Variants in FAM111A observed in about 807,000 individuals in gnomAD.
FAM111A encodes FAM111 trypsin like peptidase A, also known as serine protease FAM111A.
In FAM111A, 8 loss-of-function variants were observed where a neutral mutation model predicts 3.3. The observed-to-expected ratio is 2.39, with a 90% CI of 1.40 to 4.32. The LOEUF is 4.32. Among genes scored for constraint, FAM111A ranks in the 30% most tolerant of loss-of-function variants. FAM111A has a pLI of 0.00. For synonymous variants in FAM111A, 227 were observed against 243.1 expected, an observed-to-expected ratio of 0.93 and a Z score of 0.62; for missense variants, 683 against 727.6, an observed-to-expected ratio of 0.94 and a Z score of 0.71.
intron 5 of FAM111A, among the ~76,000 whole-genome samples, chr11:59,149,989 T>A (rs1861448472): frequency 6.6e-6 from 1 of 152,234 alleles, no homozygotes; most frequent in Non-Finnish European, 1.5e-5. Context: ...TTACAATTTC[T>A]CAACTTGTTT....
Position 59,153,278 on chromosome 11 carries a change from TC to T in FAM111A, c.1611del (p.Phe538LeufsTer61). The T allele has an allele frequency of 3.1e-6, 5 of 1,614,144 alleles. No homozygotes were observed. The highest frequency in any genetic ancestry group is 4.2e-6 in the Non-Finnish European group (5 of 1,180,012). ...GTGATTACCTATGACACTGAATTTT[TC>T]TTTGGGGCTTCCGGCTCCCCTGTGT... ...PDVITYDTEFFFGASGSPVFD... is the reference protein window; with the variant it reads ...PDVITYDTEFXFGASGSPVFD... On this transcript the variant is annotated frameshift_variant, in exon 6 of 6. Coordinates refer to ENST00000675163, the MANE Select transcript of FAM111A (RefSeq NM_001312909.2). LOFTEE classifies it low-confidence loss of function (END_TRUNC).
In FAM111A at chr11:59,151,822, A is replaced by T. The variant is rs1861696942; in HGVS notation, c.154A>T (p.Thr52Ser). The T allele has an allele frequency of 6.2e-7, 1 of 1,614,118 alleles. No individual in the cohort carries two copies. The highest frequency in any genetic ancestry group is 2.2e-5 in the East Asian group (1 of 44,888). The change falls in exon 6 of 6, where the codon ACA becomes TCA. Residue 52 changes from threonine (T) to serine (S), a missense_variant. This residue lies in a region of FAM111A where 557 missense variants were observed against 600.2 expected (regional missense o/e 0.93). Transcript: ENST00000675163. ...RMESRGDPRA[T>S]TNTQAQRFHS... ...GGAGTCTAGAGGAGACCCAAGAGCC[A>T]CAACTAATACCCAGGCTCAAAGATT...
chr11:59,153,442 T>C lies in FAM111A; in HGVS notation c.1774T>C (p.Trp592Arg), dbSNP rs146642664. ...LLDIKQRHKP[W>R]YEEVFVNQQD... is the part of the protein sequence containing the mutation. ...TGATATTAAGCAAAGACATAAACCA[T>C]GGTATGAAGAAGTATTTGTAAATCA... Residue 592 changes from tryptophan to arginine, a missense_variant, in exon 6 of 6, where the codon TGG becomes CGG. Physicochemically the swap from Trp to Arg is moderately radical, Grantham distance 101. This residue lies in a region of FAM111A where 122 missense variants were observed against 110.9 expected (regional missense o/e 1.10). Coordinates refer to ENST00000675163, the MANE Select transcript of FAM111A (RefSeq NM_001312909.2). 9 of 1,613,454 alleles carry C rather than the reference T, an allele frequency of 5.6e-6. No individual in the cohort carries two copies. In the Admixed American group the frequency reaches 6.7e-5, roughly 12 times the overall value.
intron 5 of FAM111A, among the ~76,000 whole-genome samples, chr11:59,150,919 CA>C (rs1347972838): frequency 6.6e-6 from 1 of 152,052 alleles, no homozygotes; most frequent in Non-Finnish European, 1.5e-5. Context: ...ATATGCTGGG[CA>C]AATCAAAGTA....
rs574586920 is a variant in FAM111A at position 59,154,246 on chromosome 11, G to A, written c.*742G>A. 2.6e-5 allele frequency: 4 copies of A among 152,254 alleles called. No homozygotes were observed. Among genetic ancestry groups the A allele is most frequent in the African/African-American group, 9.6e-5 (4 of 41,554 alleles). 9.4% of individuals were successfully genotyped at this position (152,254 alleles called of 1,614,324 possible). ...TGCAGGTCAATAAGTTGCAAAAGTT[G>A]GGGCTGCAATTAATGCTAACATAAG... is the stretch of plus-strand genomic sequence containing the variant. On this transcript the variant is annotated 3_prime_UTR_variant, in exon 6 of 6. Coordinates refer to ENST00000675163, the MANE Select transcript of FAM111A (RefSeq NM_001312909.2).
chr11:59,151,795 A>T lies in FAM111A; in HGVS notation c.127A>T (p.Met43Leu). Residue 43 changes from methionine to leucine, a missense_variant, in exon 6 of 6, where the codon ATG (methionine) becomes TTG (leucine). Around this residue, in one of 3 missense-constraint regions of FAM111A, gnomAD observed 557 missense variants for 600.2 expected, o/e 0.93. Transcript: ENST00000675163. ...TAATTGCAGTACTTCTCTAATGAGG[A>T]TGGAGTCTAGAGGAGACCCAAGAGC... ...QNNCSTSLMR[M>L]ESRGDPRATT... is the part of the protein sequence containing the mutation. 6.2e-7 allele frequency: 1 copy of T among 1,608,722 alleles called. No individual in the cohort carries two copies. The highest frequency in any genetic ancestry group is 8.5e-7 in the Non-Finnish European group (1 of 1,178,630).
rs202134817 is a variant in FAM111A at position 59,152,053 on chromosome 11, C to T, written c.385C>T (p.Arg129Cys). ...TCACCAAGGCCAAGAAATGCTTGTG[C>T]GTGGCACAGAAGGAATCAAAGAGTA... ...ETHQGQEMLV[R>C]GTEGIKEYIN... is the part of the protein sequence containing the mutation. Residue 129 changes from arginine (R) to cysteine (C), a missense_variant, in exon 6 of 6, where the codon CGT becomes TGT. Transcript: ENST00000675163. 8.1e-5 allele frequency: 130 copies of T among 1,614,170 alleles called. No individual in the cohort carries two copies. The highest frequency in any genetic ancestry group is 1.5e-4 in the Admixed American group (9 of 60,008).
rs1394499422 is a variant in FAM111A, at chr11:59,152,860, A to G, written c.1192A>G (p.Ser398Gly). 2 of 1,614,178 alleles carry G rather than the reference A, an allele frequency of 1.2e-6. No individual in the cohort carries two copies. Among genetic ancestry groups the G allele is most frequent in the South Asian group, 2.2e-5 (2 of 91,084 alleles). The change falls in exon 6 of 6, where the codon AGT (serine) becomes GGT (glycine). Residue 398 changes from serine (S) to glycine (G), a missense_variant. Around this residue, in one of 3 missense-constraint regions of FAM111A, gnomAD observed 557 missense variants for 600.2 expected, o/e 0.93. Coordinates refer to ENST00000675163, the MANE Select transcript of FAM111A (RefSeq NM_001312909.2). ...DSIVGDGIEPSKWATIIGQCV... is the reference protein window; with the variant it reads ...DSIVGDGIEPGKWATIIGQCV... ...CATTGTGGGAGACGGAATAGAGCCA[A>G]GTAAGTGGGCAACCATAATTGGTCA...
At position 59,152,500 on chromosome 11, in the gene FAM111A, G is replaced by C. The variant is rs764421917; in HGVS notation, c.832G>C (p.Ala278Pro). The stretch of plus-strand genomic sequence containing the variant: ...GAAAAGAATGGTCCCCAGTGCAGCA[G>C]CTTCTCAGAATCCTGAGTCAGAGAA... ...VEKRMVPSAA[A>P]SQNPESEKRN... The change falls in exon 6 of 6, where the codon GCT becomes CCT. Residue 278 changes from alanine (A) to proline (P), a missense_variant. Physicochemically the swap from Ala to Pro is conservative, Grantham distance 27. Around this residue, in one of 3 missense-constraint regions of FAM111A, gnomAD observed 557 missense variants for 600.2 expected, o/e 0.93. Coordinates refer to ENST00000675163, the MANE Select transcript of FAM111A (RefSeq NM_001312909.2). 5 of 1,614,004 alleles carry C rather than the reference G, an allele frequency of 3.1e-6. No individual in the cohort carries two copies. The highest frequency in any genetic ancestry group is 4.2e-6 in the Non-Finnish European group (5 of 1,180,034).
rs1053613048 is a variant in FAM111A, at chr11:59,152,184, C to G, written c.516C>G (p.Gly172=). Residue 172 remains glycine, a synonymous_variant, in exon 6 of 6, where the codon GGC becomes GGG. Coordinates refer to ENST00000675163, the MANE Select transcript of FAM111A (RefSeq NM_001312909.2). ...SKQKEDNHIF[G]RQDKASTECV... Reference sequence around the variant, plus strand: ...AGAAGGAAGATAACCACATATTTGGCAGGCAGGACAAAGCATCGACTGAAT... The same window carrying G: ...AGAAGGAAGATAACCACATATTTGGGAGGCAGGACAAAGCATCGACTGAAT... 1.9e-6 allele frequency: 3 copies of G among 1,613,996 alleles called. No individual in the cohort carries two copies. In the African/African-American group the frequency reaches 4.0e-5, roughly 22 times the overall value.
chr11:59,150,842 T>C, intron 5 of FAM111A, among the ~76,000 whole-genome samples: 1 of 152,206 alleles, frequency 6.6e-6, no homozygotes, highest in African/African-American at 2.4e-5. Flanking sequence ...TCATGTTTGT[T>C]CCTCCTTATT....
In FAM111A at chr11:59,152,097, C is replaced by A. The variant is rs1200055748; in HGVS notation, c.429C>A (p.Pro143=). 1 of 1,614,016 alleles carries A rather than the reference C, an allele frequency of 6.2e-7. No homozygotes were observed. Among genetic ancestry groups the A allele is most frequent in the Non-Finnish European group, 8.5e-7 (1 of 1,180,034 alleles). ...AAGAGTACATAAACCTTGGAATGCC[C>A]CTCAGTTGTTTCCCTGAAGGTGGCC... ...GIKEYINLGM[P]LSCFPEGGQV... The change falls in exon 6 of 6, where the codon CCC becomes CCA. Residue 143 remains proline (P), a synonymous_variant. Coordinates refer to ENST00000675163, the MANE Select transcript of FAM111A (RefSeq NM_001312909.2).
rs762977097 is a variant in FAM111A at position 59,148,936 on chromosome 11, G to A, written c.64G>A (p.Glu22Lys). 1.2e-5 allele frequency: 20 copies of A among 1,612,570 alleles called. No homozygotes were observed. Among genetic ancestry groups the A allele is most frequent in the Admixed American group, 6.7e-5 (4 of 59,960 alleles). Residue 22 changes from glutamate to lysine, a missense_variant, in exon 5 of 6, where the codon GAG becomes AAG. Physicochemically the swap from Glu to Lys is moderately conservative, Grantham distance 56. Transcript: ENST00000675163. ...CAATGAAAAATGTAATATGAAAATC[G>A]AGCACTATTTTTCTCCGGTATGTCT... ...SVNEKCNMKI[E>K]HYFSPVSKEQ...
rs758432983 is a variant in FAM111A at position 59,148,897 on chromosome 11, C to T, written c.25C>T (p.Arg9Trp). Residue 9 changes from arginine (R) to tryptophan (W), a missense_variant, in exon 5 of 6, where the codon CGG (arginine) becomes TGG (tryptophan). By Grantham distance (101) the Arg-to-Trp change is moderately radical. Transcript: ENST00000675163. The part of the protein sequence containing the change: MSCKKQRS[R>W]KHSVNEKCNM... ...CATGAGCTGTAAGAAGCAGAGGTCA[C>T]GGAAGCACTCAGTCAATGAAAAATG... The T allele has an allele frequency of 2.5e-5, 41 of 1,613,574 alleles. No homozygotes were observed. The highest frequency in any genetic ancestry group is 2.3e-4 in the South Asian group (21 of 91,070).
chr11:59,143,429 G>A (rs1008548010), intron 2 of FAM111A, 68 bp from the exon 3 acceptor site: 1 of 152,150 alleles, frequency 6.6e-6, no homozygotes, highest in African/African-American at 2.4e-5. Flanking sequence ...TGTTGAAAGG[G>A]GCACTGACGC....
intron 3 of FAM111A, chr11:59,144,455 T>C (rs187603013): frequency 6.6e-6 from 1 of 152,336 alleles, no homozygotes; most frequent in East Asian, 1.9e-4. Context: ...AAAAGCTTTT[T>C]AGGCTTGGTG....
Position 59,153,745 on chromosome 11 carries a change from G to A in FAM111A, c.*241G>A, listed in dbSNP as rs1862017461. 2 of 334,898 alleles carry A rather than the reference G, an allele frequency of 6.0e-6. No individual in the cohort carries two copies. Among genetic ancestry groups the A allele is most frequent in the South Asian group, 8.4e-5 (2 of 23,782 alleles). 20.7% of individuals were successfully genotyped at this position (334,898 alleles called of 1,614,324 possible). A position where few individuals can be genotyped will look rare whatever the true frequency, so the allele number is the denominator to read the frequency against. ...GAGACTGAGTCTCACTCTGTCGCCT[G>A]GGCTGGAGTACAGTGGTGCGATCTC... On this transcript the variant is annotated 3_prime_UTR_variant, in exon 6 of 6. Transcript: ENST00000675163.
Position 59,153,477 on chromosome 11 carries a change from A to G in FAM111A, c.1809A>G (p.Val603=). The G allele has an allele frequency of 6.2e-7, 1 of 1,610,162 alleles. No individual in the cohort carries two copies. Among genetic ancestry groups the G allele is most frequent in the Non-Finnish European group, 8.5e-7 (1 of 1,178,158 alleles). The change falls in exon 6 of 6, where the codon GTA becomes GTG. Residue 603 remains valine (V), a synonymous_variant. Transcript: ENST00000675163. ...YEEVFVNQQD[V]EMMSDEDL ...AAGTATTTGTAAATCAGCAGGATGT[A>G]GAAATGATGAGTGATGAGGACTTGT...
In FAM111A at chr11:59,153,703, A is replaced by ATTT. The variant is rs878948228; in HGVS notation, c.*213_*215dup. On this transcript the variant is annotated 3_prime_UTR_variant, in exon 6 of 6. Coordinates refer to ENST00000675163, the MANE Select transcript of FAM111A (RefSeq NM_001312909.2). The stretch of plus-strand genomic sequence containing the variant: ...ATGAGATGGACTATAACTTGCCCAA[A>ATTT]TTTTTTTTTTTTTTTTGAGACTGAG... The ATTT allele has an allele frequency of 1.1e-3, 346 of 323,218 alleles. 2 individuals carry two copies. Among genetic ancestry groups the ATTT allele is most frequent in the African/African-American group, 6.6e-3 (277 of 41,758 alleles). The allele number at this position is 323,218 out of a possible 1,614,324, so 20.0% of individuals were successfully genotyped here.
Sources: gnomAD v4.1 joint callset for allele counts (sites outside exome capture counted in the v4.1 genomes callset) on GRCh38, gnomAD v4.1.1 for gene constraint, gnomAD v4.1.1 regional missense constraint, MANE v1.5 for transcripts, NCBI Gene and HGNC (gene_info 2026-07-23, HGNC 2026-07-21) for gene names.